The following UQCR11 variants were observed in gnomAD, a reference collection of about 807,000 sequenced individuals.
The protein encoded by UQCR11 is cytochrome b-c1 complex subunit 10.
A neutral mutation model predicts 7.6 loss-of-function variants in UQCR11; 10 were observed. That is an observed-to-expected ratio of 1.31 (90% CI 0.81 to 2.22). The LOEUF (loss-of-function observed/expected upper bound fraction) is 2.22, where lower values mean the gene tolerates loss of function less well. UQCR11 is among the 30% of genes most tolerant of loss of function. The pLI is 0.00. For missense variants in UQCR11, 86 were observed against 75.1 expected, an observed-to-expected ratio of 1.15 and a Z score of -0.54; for synonymous variants, 34 against 34.9, an observed-to-expected ratio of 0.97 and a Z score of 0.09.
intron 2 of UQCR11, 62 bp downstream of exon 2, chr19:1,599,350 C>T: frequency 6.3e-7 from 1 of 1,578,340 alleles, no homozygotes; most frequent in Non-Finnish European, 8.6e-7. Flanking sequence ...CCTGGAGAAC[C>T]CACTCTTCGG....
intron 1 of UQCR11, among the ~76,000 whole-genome samples, chr19:1,600,203 A>C (rs1473068957): frequency 6.8e-6 from 1 of 147,276 alleles, no homozygotes; most frequent in Non-Finnish European, 1.5e-5. Context: ...ACTTGGGCAC[A>C]GGCTTCTTTT....
chr19:1,602,761 T>TA (rs1262039683), intron 1 of UQCR11, among the ~76,000 whole-genome samples: 1 of 152,132 alleles, frequency 6.6e-6, no homozygotes, highest in Non-Finnish European at 1.5e-5. Context: ...CCTGGGTTAT[T>TA]AATCACCAGA....
At chr19:1,603,810 C>T (rs747422518) in intron 1 of UQCR11, among the ~76,000 whole-genome samples, 17 of 152,258 alleles carry the variant, frequency 1.1e-4, no homozygotes, top group Non-Finnish European at 1.8e-4. Flanking sequence ...CGCTGTAAAA[C>T]GCCACCGGCA....
At chr19:1,604,375 T>A (rs995920623) in intron 1 of UQCR11, among the ~76,000 whole-genome samples, 33 of 152,014 alleles carry the variant, frequency 2.2e-4, no homozygotes, top group Non-Finnish European at 5.9e-5. Context: ...CACCATGCCC[T>A]GATAATTTTT....
intron 1 of UQCR11, among the ~76,000 whole-genome samples, chr19:1,604,524 T>C (rs2060756144): frequency 6.6e-6 from 1 of 150,486 alleles, no homozygotes; most frequent in East Asian, 1.9e-4. Context: ...ACCTTGCTGC[T>C]TTTTTTTTCT....
chr19:1,598,854 G>A (rs2060738883), intron 2 of UQCR11: 1 of 156,530 alleles, frequency 6.4e-6, no homozygotes, highest in African/African-American at 2.4e-5. Context: ...CTGAGGCCCA[G>A]GTTCAAACAG....
At chr19:1,604,685 G>A (rs1246984238) in intron 1 of UQCR11, among the ~76,000 whole-genome samples, 3 of 152,008 alleles carry the variant, frequency 2.0e-5, no homozygotes, top group East Asian at 1.9e-4. Flanking sequence ...CCGCCACCAC[G>A]CCTGGCTAAT....
chr19:1,600,471 C>T (rs1259876883), intron 1 of UQCR11, among the ~76,000 whole-genome samples: 2 of 152,148 alleles, frequency 1.3e-5, no homozygotes, highest in Non-Finnish European at 2.9e-5. Flanking sequence ...CCTCGGCCTC[C>T]CAAAGTGCTG....
chr19:1,605,415 C>A lies in UQCR11; in HGVS notation c.-6G>T, dbSNP rs1192920842. On this transcript the variant is annotated 5_prime_UTR_variant, in exon 1 of 3. Coordinates refer to ENST00000591899, the MANE Select transcript of UQCR11 (RefSeq NM_006830.4). ...CCCAGGAACCGGGTCACCATCGCGG[C>A]GGAGTCGCACCCTCAGGATGACCCT... 6.8e-7 allele frequency: 1 copy of A among 1,464,486 alleles called. No homozygotes were observed. 90.7% of individuals were successfully genotyped at this position (1,464,486 alleles called of 1,614,324 possible). A position where few individuals can be genotyped will look rare whatever the true frequency, so the allele number is the denominator to read the frequency against.
At chr19:1,599,671 G>A (rs2097044850) in intron 1 of UQCR11, 111 bp from the exon 2 acceptor site, 1 of 1,479,616 alleles carries the variant, frequency 6.8e-7, no homozygotes, top group African/African-American at 1.4e-5. Flanking sequence ...TGCGGGCCTG[G>A]CACCTGTGCC....
chr19:1,602,834 C>A (rs540993180), intron 1 of UQCR11, among the ~76,000 whole-genome samples: 1 of 152,320 alleles, frequency 6.6e-6, no homozygotes, highest in African/African-American at 2.4e-5. Context: ...CCTGGTCACC[C>A]CATGTAGGAC....
rs748600080 is a variant in UQCR11, at chr19:1,599,454, T to A, written c.157A>T (p.Lys53Ter). The A allele has an allele frequency of 1.9e-6, 3 of 1,613,742 alleles. No homozygotes were observed. The South Asian group carries it at 3.3e-5, about 18-fold the overall frequency. ...DWVPYINGKF[K>*]KDN is the part of the protein sequence containing the mutation. ...GGTTTGTGTAATTAATTATCCTTCT[T>A]AAACTTGCCATTGATGTAAGGTACC... Residue 53 changes from lysine to a stop codon, truncating the protein, a stop_gained, in exon 2 of 3, where the codon AAG (lysine) becomes TAG (stop). Coordinates refer to ENST00000591899, the MANE Select transcript of UQCR11 (RefSeq NM_006830.4). LOFTEE classifies it high-confidence loss of function.
At chr19:1,598,669 C>T (rs2060738320) in intron 2 of UQCR11, among the ~76,000 whole-genome samples, 1 of 152,212 alleles carries the variant, frequency 6.6e-6, no homozygotes, top group Admixed American at 6.5e-5. Context: ...TGAGATCGCG[C>T]CACCGTATTC....
At chr19:1,604,505 C>T (rs1880058163) in intron 1 of UQCR11, among the ~76,000 whole-genome samples, 1 of 152,088 alleles carries the variant, frequency 6.6e-6, no homozygotes, top group Non-Finnish European at 1.5e-5. Context: ...GCCACTGCAC[C>T]CGGCTAAGAC....
intron 1 of UQCR11, among the ~76,000 whole-genome samples, chr19:1,603,724 G>A (rs369332797): frequency 6.6e-6 from 1 of 152,206 alleles, no homozygotes; most frequent in African/African-American, 2.4e-5. Context: ...CACCCGGGAG[G>A]GGCTGCACTG....
At position 1,599,502 on chromosome 19, in the gene UQCR11, C is replaced by G. The variant is rs200996591; in HGVS notation, c.109G>C (p.Asp37His). 2 of 1,613,478 alleles carry G rather than the reference C, an allele frequency of 1.2e-6. No homozygotes were observed. The highest frequency in any genetic ancestry group is 4.5e-5 in the East Asian group (2 of 44,902). The change falls in exon 2 of 3, where the codon GAT becomes CAT. Residue 37 changes from aspartate to histidine, a missense_variant. Physicochemically the swap from Asp to His is moderately conservative, Grantham distance 81 (BLOSUM62 -1). Coordinates refer to ENST00000591899, the MANE Select transcript of UQCR11 (RefSeq NM_006830.4). Reference sequence around the variant, plus strand: ...ACCCAGTCCAGGATCAGCCGCCAATCGGTGGCCCACACCAGCCCCACGGCG... The same window carrying G: ...ACCCAGTCCAGGATCAGCCGCCAATGGGTGGCCCACACCAGCCCCACGGCG... ...VGAVGLVWAT[D>H]WRLILDWVPY...
At chr19:1,599,999 C>G (rs1279149681) in intron 1 of UQCR11, among the ~76,000 whole-genome samples, 1 of 152,250 alleles carries the variant, frequency 6.6e-6, no homozygotes, top group East Asian at 1.9e-4. Context: ...TGAGGCCACA[C>G]AGCTGGCGAG....
chr19:1,604,744 G>C (rs1325761580), intron 1 of UQCR11, among the ~76,000 whole-genome samples: 1 of 152,008 alleles, frequency 6.6e-6, no homozygotes, highest in Non-Finnish European at 1.5e-5. Flanking sequence ...GGCCAGGCTG[G>C]TCTCGAACTC....
At chr19:1,601,775 T>C (rs944808377) in intron 1 of UQCR11, among the ~76,000 whole-genome samples, 11 of 152,264 alleles carry the variant, frequency 7.2e-5, no homozygotes, top group Admixed American at 2.0e-4. Flanking sequence ...TTTGCTAGTT[T>C]AAGCGGCTAA....
Sources: allele counts gnomAD v4.1 joint callset (sites outside exome capture counted in the v4.1 genomes callset), GRCh38; gene constraint gnomAD v4.1.1; transcripts MANE v1.5; gene names NCBI Gene and HGNC (gene_info 2026-07-23, HGNC 2026-07-21).